The following CCDC159 variants were observed in gnomAD, a reference collection of about 807,000 sequenced individuals.
The protein encoded by CCDC159 is coiled-coil domain containing 159, also known as coiled-coil domain-containing protein 159.
A neutral mutation model predicts 50.9 loss-of-function variants in CCDC159; 40 were observed. The observed-to-expected ratio is 0.79, with a 90% CI of 0.61 to 1.02. The LOEUF (loss-of-function observed/expected upper bound fraction) is 1.02, where lower values mean the gene tolerates loss of function less well. Ranked by LOEUF, CCDC159 falls within the 50% of genes least tolerant of loss-of-function variation. The pLI is 0.00. For missense variants in CCDC159, 356 were observed against 371.5 expected, an observed-to-expected ratio of 0.96 and a Z score of 0.34; for synonymous variants, 146 against 138.9, an observed-to-expected ratio of 1.05 and a Z score of -0.36.
intron 1 of CCDC159, 156 bp downstream of exon 1, chr19:11,346,783 C>T (rs1568308956): frequency 3.6e-6 from 3 of 835,570 alleles, no homozygotes; most frequent in Admixed American, 5.5e-5. Context: ...GGAGGCACTA[C>T]TGGGGACCTA....
intron 5 of CCDC159, 156 bp from the exon 6 acceptor site, chr19:11,351,750 G>T: frequency 3.3e-6 from 2 of 605,804 alleles, no homozygotes; most frequent in Non-Finnish European, 5.8e-6. Context: ...GAGAGGAGGG[G>T]GATGAGGGTA....
intron 4 of CCDC159, 69 bp from the exon 5 acceptor site, chr19:11,350,739 G>A: frequency 2.1e-6 from 3 of 1,431,632 alleles, no homozygotes; most frequent in Non-Finnish European, 2.8e-6. Context: ...CTGGGTTCTG[G>A]GTCAAGATTA....
At position 11,348,934 on chromosome 19, in the gene CCDC159, G is replaced by A. The variant is rs1197018532; in HGVS notation, c.22-720G>A. On this transcript the variant is annotated intron_variant, in intron 1 of 10. Coordinates refer to ENST00000458408, the MANE Select transcript of CCDC159 (RefSeq NM_001080503.3). Reference sequence around the variant, plus strand: ...GGGCTGGGAATGTGAGGAGTGCCCTGCACTGTCCCTCAAGGAAGCCCTCAC... The same window carrying A: ...GGGCTGGGAATGTGAGGAGTGCCCTACACTGTCCCTCAAGGAAGCCCTCAC... 3.8e-6 allele frequency: 5 copies of A among 1,322,188 alleles called. No individual in the cohort carries two copies. The South Asian group carries it at 5.7e-5, about 15-fold the overall frequency. 81.9% of individuals were successfully genotyped at this position (1,322,188 alleles called of 1,614,324 possible). A position where few individuals can be genotyped will look rare whatever the true frequency, so the allele number is the denominator to read the frequency against.
At chr19:11,346,777 G>A in intron 1 of CCDC159, 150 bp downstream of exon 1, 1 of 878,332 alleles carries the variant, frequency 1.1e-6, no homozygotes, top group South Asian at 1.6e-5. Flanking sequence ...GAGAGAGGAG[G>A]CACTACTGGG....
chr19:11,354,798 G>C, intron 10 of CCDC159, 75 bp from the exon 11 acceptor site: 1 of 1,611,932 alleles, frequency 6.2e-7, no homozygotes, highest in Non-Finnish European at 8.5e-7. Context: ...CCTGATCTGG[G>C]CATGCGGTCC....
chr19:11,348,172 A>T (rs1375745897), intron 1 of CCDC159: 4 of 456,398 alleles, frequency 8.8e-6, no homozygotes, highest in Middle Eastern at 3.3e-4. Flanking sequence ...CTTTAAGCCA[A>T]TGTCAAGGTC....
intron 9 of CCDC159, 24 bp from the exon 10 acceptor site, chr19:11,354,556 T>C: frequency 3.2e-6 from 5 of 1,554,848 alleles, no homozygotes; most frequent in Non-Finnish European, 4.3e-6. Flanking sequence ...AGGGTCACAT[T>C]CAGGGAACCT....
intron 1 of CCDC159, chr19:11,348,666 CCT>C (rs1340746468): frequency 2.2e-6 from 1 of 452,704 alleles, no homozygotes; most frequent in African/African-American, 2.0e-5. Context: ...AGGGCTGAGG[CCT>C]CTCTGGCATG....
chr19:11,351,214 A>C (rs1967556121), intron 5 of CCDC159: 1 of 537,478 alleles, frequency 1.9e-6, no homozygotes, highest in Non-Finnish European at 3.3e-6. Flanking sequence ...AGATGGGCGG[A>C]TCACCTGAGG....
chr19:11,348,290 G>A (rs1432347747), intron 1 of CCDC159: 1 of 379,564 alleles, frequency 2.6e-6, no homozygotes, highest in East Asian at 7.3e-5. Context: ...CTTTTTTGTT[G>A]TTGTTTTTTA....
chr19:11,350,035 C>T lies in CCDC159; in HGVS notation c.144+9C>T, dbSNP rs760505800. ...TACAGGCCCAGACCAAGGTGAACCA[C>T]CTTGGCCCTGCCCCCAGCAACCTCT... On this transcript the variant is annotated intron_variant, in intron 3 of 10. Transcript: ENST00000458408. 1.7e-5 allele frequency: 28 copies of T among 1,613,510 alleles called. No homozygotes were observed. The highest frequency in any genetic ancestry group is 2.4e-5 in the Non-Finnish European group (28 of 1,179,618).
chr19:11,353,864 G>C lies in CCDC159; in HGVS notation c.762G>C (p.Ser254=), dbSNP rs770907137. The change falls in exon 9 of 11, where the codon TCG becomes TCC. Residue 254 remains serine (S), a synonymous_variant. Coordinates refer to ENST00000458408, the MANE Select transcript of CCDC159 (RefSeq NM_001080503.3). ...GCTCGGGGGCCTGTCCCAAGGCCTC[G>C]AGCCTAAGAGGTGAGGGAGGCTGAG... ...TLCSGACPKA[S]SLRGHKGHQC... 1.9e-6 allele frequency: 3 copies of C among 1,576,166 alleles called. No individual in the cohort carries two copies. Among genetic ancestry groups the C allele is most frequent in the Non-Finnish European group, 2.6e-6 (3 of 1,161,894 alleles).
At chr19:11,346,777 G>C in intron 1 of CCDC159, 150 bp downstream of exon 1, 2 of 878,332 alleles carry the variant, frequency 2.3e-6, no homozygotes, top group Non-Finnish European at 3.6e-6. Flanking sequence ...GAGAGAGGAG[G>C]CACTACTGGG....
At position 11,349,011 on chromosome 19, in the gene CCDC159, G is replaced by A. The variant is rs746714111; in HGVS notation, c.22-643G>A. On this transcript the variant is annotated intron_variant, in intron 1 of 10. Coordinates refer to ENST00000458408, the MANE Select transcript of CCDC159 (RefSeq NM_001080503.3). ...CTGGAGCGTACAGCTCACTGGTCCA[G>A]GACTCCAGAGCCAGAGACCTTGGGA... is the stretch of plus-strand genomic sequence containing the variant. 7 of 1,340,574 alleles carry A rather than the reference G, an allele frequency of 5.2e-6. No homozygotes were observed. The South Asian group carries it at 5.8e-5, about 11-fold the overall frequency. 83.0% of individuals were successfully genotyped at this position (1,340,574 alleles called of 1,614,324 possible).
intron 1 of CCDC159, among the ~76,000 whole-genome samples, chr19:11,347,668 G>A (rs982145020): frequency 3.3e-5 from 5 of 152,116 alleles, no homozygotes; most frequent in African/African-American, 4.8e-5. Flanking sequence ...CTTCCAGGTC[G>A]ACTGAATCAG....
intron 1 of CCDC159, chr19:11,348,688 G>C: frequency 4.4e-6 from 2 of 458,720 alleles, no homozygotes; most frequent in Admixed American, 4.7e-5. Context: ...GTCAGGGAGG[G>C]TCTGGGGGCA....
chr19:11,348,694 G>C (rs946570621), intron 1 of CCDC159: 13 of 459,562 alleles, frequency 2.8e-5, no homozygotes, highest in Admixed American at 2.3e-4. Flanking sequence ...GAGGGTCTGG[G>C]GGCACTGGGG....
intron 1 of CCDC159, among the ~76,000 whole-genome samples, chr19:11,347,625 C>A (rs1336251901): frequency 6.6e-6 from 1 of 152,222 alleles, no homozygotes; most frequent in Non-Finnish European, 1.5e-5. Context: ...CCACCGTGCC[C>A]AGCCTGAGTA....
chr19:11,349,896 C>T (rs964216644), intron 2 of CCDC159, 42 bp from the exon 3 acceptor site: 5 of 1,592,202 alleles, frequency 3.1e-6, no homozygotes, highest in African/African-American at 2.7e-5. Context: ...GCCCCAGACC[C>T]CACCCCTTAC....
Sources: allele counts gnomAD v4.1 joint callset (sites outside exome capture counted in the v4.1 genomes callset), GRCh38; gene constraint gnomAD v4.1.1; transcripts MANE v1.5; gene names NCBI Gene and HGNC (gene_info 2026-07-23, HGNC 2026-07-21).